The following MCF2L variants were observed in gnomAD, a reference collection of about 807,000 sequenced individuals.
MCF2L encodes MCF.2 cell line derived transforming sequence like.
A neutral mutation model predicts 153.4 loss-of-function variants in MCF2L; 97 were observed. The ratio of observed to expected loss-of-function variants is 0.63; its 90% CI spans 0.54 to 0.75. MCF2L has a LOEUF of 0.75. Ranked by LOEUF, MCF2L falls within the 30% of genes least tolerant of loss-of-function variation. The probability of loss-of-function intolerance (pLI) is 0.00; values close to 1 mark genes in which losing one functional copy is unlikely to be tolerated. For missense variants in MCF2L, 1,347 were observed against 1,495.2 expected, an observed-to-expected ratio of 0.90 and a Z score of 1.64; for synonymous variants, 659 against 632.2, an observed-to-expected ratio of 1.04 and a Z score of -0.64.
At chr13:112,973,900 G>T (rs1007634019) in intron 1 of MCF2L, among the ~76,000 whole-genome samples, 5 of 152,138 alleles carry the variant, frequency 3.3e-5, no homozygotes, top group Admixed American at 3.3e-4. Flanking sequence ...GTTGGCCACC[G>T]CCTCCTGAGT....
At position 113,074,626 on chromosome 13, in the gene MCF2L, G is replaced by A; in HGVS notation, c.1116+63G>A. 1 of 1,591,794 alleles carries A rather than the reference G, an allele frequency of 6.3e-7. No individual in the cohort carries two copies. The highest frequency in any genetic ancestry group is 8.6e-7 in the Non-Finnish European group (1 of 1,163,596). ...GGGCAGCATCATCAAGTGCTGCTCA[G>A]GAAGGCGCAGGAATGGGCCTCCCGC... On this transcript the variant is annotated intron_variant, in intron 10 of 29. Coordinates refer to ENST00000535094, the MANE Select transcript of MCF2L (RefSeq NM_001112732.3). This position sits in a 1 kb window ranked among gnomAD's most constrained non-coding sequence, Gnocchi z 4.2.
In MCF2L at chr13:113,070,385, G is replaced by A. The variant is rs1421198438; in HGVS notation, c.996+212G>A. ...TGATGACTGCGTCATTGTATAGAAA[G>A]GTGATTGAAAATCAGCTCACTGGGA... On this transcript the variant is annotated intron_variant, in intron 9 of 29. Transcript: ENST00000535094. This position sits in a 1 kb window ranked among gnomAD's most constrained non-coding sequence, Gnocchi z 5.6. 2.5e-6 allele frequency: 1 copy of A among 393,920 alleles called. No homozygotes were observed. Among genetic ancestry groups the A allele is most frequent in the Non-Finnish European group, 4.5e-6 (1 of 222,396 alleles). 24.4% of individuals were successfully genotyped at this position (393,920 alleles called of 1,614,324 possible).
At chr13:112,973,805 G>A (rs914720991) in intron 1 of MCF2L, among the ~76,000 whole-genome samples, 2 of 152,200 alleles carry the variant, frequency 1.3e-5, no homozygotes, top group African/African-American at 2.4e-5. Context: ...GTGACCACAG[G>A]CAAGGTCTCA....
chr13:112,971,406 G>A (rs1194674783), intron 1 of MCF2L, among the ~76,000 whole-genome samples: 1 of 152,200 alleles, frequency 6.6e-6, no homozygotes, highest in Non-Finnish European at 1.5e-5. Flanking sequence ...ACAGGACACT[G>A]ATGTGGCGGC....
intron 1 of MCF2L, among the ~76,000 whole-genome samples, chr13:112,978,319 G>A (rs192541128): frequency 7.7e-4 from 118 of 152,334 alleles, no homozygotes; most frequent in Non-Finnish European, 1.2e-3. Flanking sequence ...GCGTCCAGCT[G>A]CTTCAGGGGA....
intron 1 of MCF2L, among the ~76,000 whole-genome samples, chr13:112,974,481 C>T (rs2082152393): frequency 6.6e-6 from 1 of 152,166 alleles, no homozygotes; most frequent in Non-Finnish European, 1.5e-5. Flanking sequence ...ATAAGCCTGG[C>T]CCCTTGGGTG....
chr13:113,093,241 G>A (rs1370359632), intron 26 of MCF2L, among the ~76,000 whole-genome samples: 1 of 152,238 alleles, frequency 6.6e-6, no homozygotes, highest in Non-Finnish European at 1.5e-5. Flanking sequence ...GCACTCAGGA[G>A]GCCAAGCTGC....
intron 2 of MCF2L, among the ~76,000 whole-genome samples, chr13:112,952,344 G>T (rs1429777622): frequency 1.3e-5 from 2 of 152,200 alleles, no homozygotes; most frequent in African/African-American, 4.8e-5. Context: ...CCAGGTGGGT[G>T]TGGGTGGCCC....
chr13:113,025,902 A>G (rs377061797), intron 3 of MCF2L, among the ~76,000 whole-genome samples: 5 of 55,798 alleles, frequency 9.0e-5, no homozygotes, highest in African/African-American at 3.1e-4. Context: ...AGGTTTCCCC[A>G]TTGTGGGGTC....
intron 2 of MCF2L, among the ~76,000 whole-genome samples, chr13:112,926,355 T>C (rs77127979): frequency 4.0e-5 from 6 of 150,588 alleles, no homozygotes; most frequent in Non-Finnish European, 8.8e-5. Context: ...AACGGAGTGC[T>C]GCACGGCCTG....
chr13:113,061,210 C>T (rs2031353148), intron 5 of MCF2L, among the ~76,000 whole-genome samples: 1 of 152,138 alleles, frequency 6.6e-6, no homozygotes, highest in Non-Finnish European at 1.5e-5. Flanking sequence ...AACAGGGTGA[C>T]CCCTGCCCCA....
rs1228127215 is a variant in MCF2L, at chr13:113,064,011, G to GC, written c.490-292dup. The GC allele has an allele frequency of 4.6e-6, 2 of 436,008 alleles. No homozygotes were observed. The highest frequency in any genetic ancestry group is 4.0e-5 in the African/African-American group (2 of 49,844). 27.0% of individuals were successfully genotyped at this position (436,008 alleles called of 1,614,324 possible). A position where few individuals can be genotyped will look rare whatever the true frequency, so the allele number is the denominator to read the frequency against. ...CACGTCTGTGGTCACAAAGCCTATG[G>GC]CTAGTGTGCAGTGCCTGCCAAATAG... On this transcript the variant is annotated intron_variant, in intron 5 of 29. Transcript: ENST00000535094. This position sits in a 1 kb window ranked among gnomAD's most constrained non-coding sequence, Gnocchi z 6.0.
At chr13:113,037,534 A>G (rs559268779) in intron 3 of MCF2L, among the ~76,000 whole-genome samples, 1 of 152,330 alleles carries the variant, frequency 6.6e-6, no homozygotes, top group South Asian at 2.1e-4. Flanking sequence ...TTAGATGGAA[A>G]CAGGTTCAAA....
rs866030409 is a variant in MCF2L at position 112,932,801 on chromosome 13, C to T, written c.169+30430C>T. On this transcript the variant is annotated intron_variant, in intron 2 of 29. Transcript: ENST00000375608. This position sits in a 1 kb window ranked among gnomAD's most constrained non-coding sequence, Gnocchi z 4.6. Reference sequence around the variant, plus strand: ...ATCCCAGCACTTTGGGAGGTCAACGCGGGTGGATCATCTGAGGTCAGGAGT... The same window carrying T: ...ATCCCAGCACTTTGGGAGGTCAACGTGGGTGGATCATCTGAGGTCAGGAGT... 7.9e-5 allele frequency among the ~76,000 whole-genome samples: 12 copies of T among 152,180 alleles called. No individual in the cohort carries two copies. The highest frequency in any genetic ancestry group is 1.9e-4 in the East Asian group (1 of 5,176).
At chr13:112,985,340 A>G (rs771351185) in intron 1 of MCF2L, 9 of 463,086 alleles carry the variant, frequency 1.9e-5, no homozygotes, top group Non-Finnish European at 1.3e-5. Context: ...GGTTGTGGCG[A>G]GCCCAGGGCA....
chr13:113,032,505 T>C (rs1317356541), intron 3 of MCF2L, among the ~76,000 whole-genome samples: 1 of 152,222 alleles, frequency 6.6e-6, no homozygotes, highest in Non-Finnish European at 1.5e-5. Context: ...GCTGCTTCTG[T>C]TCAGCGGTGT....
In MCF2L at chr13:113,075,137, G is replaced by A. The variant is rs1477062440; in HGVS notation, c.1256G>A (p.Arg419Lys). Residue 419 changes from arginine (R) to lysine (K), a missense_variant, in exon 11 of 30, where the codon AGG becomes AAG. Physicochemically the swap from Arg to Lys is conservative, Grantham distance 26 (BLOSUM62 2). This residue lies in a region of MCF2L where 820 missense variants were observed against 921.2 expected (regional missense o/e 0.89). Coordinates refer to ENST00000535094, the MANE Select transcript of MCF2L (RefSeq NM_001112732.3). ...LCDQFSAEIA[R>K]RRGLLSKSLE... ...GACCAGTTCTCTGCGGAGATCGCAA[G>A]GAGGAGGGGGCTGCTCAGCAAGTCC... is the stretch of plus-strand genomic sequence containing the variant. 5 of 1,612,696 alleles carry A rather than the reference G, an allele frequency of 3.1e-6. No homozygotes were observed. The highest frequency in any genetic ancestry group is 4.2e-6 in the Non-Finnish European group (5 of 1,179,662).
chr13:113,093,444 C>T (rs2035386544), intron 26 of MCF2L, among the ~76,000 whole-genome samples: 1 of 152,268 alleles, frequency 6.6e-6, no homozygotes, highest in South Asian at 2.1e-4. Context: ...GCACAGACAG[C>T]AGAGTTCCGC....
intron 1 of MCF2L, chr13:113,001,367 C>T (rs141892728): frequency 6.6e-6 from 1 of 152,560 alleles, no homozygotes; most frequent in Non-Finnish European, 1.5e-5. Context: ...TTGCCAGGGG[C>T]AGAAGGCTTG....
Sources: allele counts gnomAD v4.1 joint callset (sites outside exome capture counted in the v4.1 genomes callset), GRCh38; gene constraint gnomAD v4.1.1; regional missense constraint gnomAD v4.1.1; non-coding constraint Gnocchi (gnomAD v3.1); transcripts MANE v1.5; gene names NCBI Gene and HGNC (gene_info 2026-07-23, HGNC 2026-07-21).